The following PCDH15 variants were observed in gnomAD, a reference collection of about 807,000 sequenced individuals.
PCDH15 encodes protocadherin related 15.
PCDH15 carries 129 observed loss-of-function variants against 178.5 expected under a neutral mutation model. That is an observed-to-expected ratio of 0.72 (90% CI 0.63 to 0.84). The LOEUF is 0.84. Ranked by LOEUF, PCDH15 falls within the 40% of genes least tolerant of loss-of-function variation. The probability of loss-of-function intolerance (pLI) is 0.00; values close to 1 mark genes in which losing one functional copy is unlikely to be tolerated. For synonymous variants in PCDH15, 800 were observed against 732.0 expected, an observed-to-expected ratio of 1.09 and a Z score of -1.50; for missense variants, 2,230 against 2,099.9, an observed-to-expected ratio of 1.06 and a Z score of -1.21.
chr10:55,560,466 C>A (rs1842175237), intron 2 of PCDH15, among the ~76,000 whole-genome samples: 1 of 151,810 alleles, frequency 6.6e-6, no homozygotes, highest in Non-Finnish European at 1.5e-5. Flanking sequence ...ATCTGTGGAG[C>A]TTTAAAAAAT....
intron 17 of PCDH15, 57 bp from the exon 18 acceptor site, chr10:54,066,942 T>C: frequency 7.1e-6 from 11 of 1,554,610 alleles, no homozygotes; most frequent in Non-Finnish European, 9.7e-6. Context: ...TTAGAATTCA[T>C]TTAAGTAGTC....
chr10:55,200,388 G>A (rs1840211066), intron 1 of PCDH15, among the ~76,000 whole-genome samples: 1 of 152,094 alleles, frequency 6.6e-6, no homozygotes, highest in African/African-American at 2.4e-5. Context: ...CTCCTGTCTG[G>A]AATGGAATCA....
chr10:54,195,923 G>A, intron 10 of PCDH15, 34 bp from the exon 11 acceptor site: 1 of 1,578,274 alleles, frequency 6.3e-7, no homozygotes, highest in Non-Finnish European at 8.7e-7. Flanking sequence ...TATTTAGAAA[G>A]TATATGTCGT....
chr10:54,503,572 A>G (rs1277940158), intron 3 of PCDH15, among the ~76,000 whole-genome samples: 1 of 151,834 alleles, frequency 6.6e-6, no homozygotes, highest in African/African-American at 2.4e-5. Context: ...ACATAGCTGT[A>G]CTGAGGTGAA....
chr10:53,914,462 GA>G (rs1313354405), intron 25 of PCDH15, among the ~76,000 whole-genome samples: 1 of 152,088 alleles, frequency 6.6e-6, no homozygotes, highest in African/African-American at 2.4e-5. Context: ...ATGTCCTTTG[GA>G]GGGACATGGA....
chr10:54,669,260 GTT>G (rs1348960659), intron 1 of PCDH15, among the ~76,000 whole-genome samples: 1 of 151,742 alleles, frequency 6.6e-6, no homozygotes, highest in African/African-American at 2.4e-5. Flanking sequence ...GTAATATGAA[GTT>G]TAGGAAAATA....
chr10:53,934,023 T>G (rs1244539327), intron 25 of PCDH15, among the ~76,000 whole-genome samples: 1 of 152,212 alleles, frequency 6.6e-6, no homozygotes, highest in Non-Finnish European at 1.5e-5. Flanking sequence ...ATGGGGTTGT[T>G]TGTTTTTTCT....
chr10:54,297,365 G>A (rs2059866835), intron 8 of PCDH15, among the ~76,000 whole-genome samples: 1 of 152,056 alleles, frequency 6.6e-6, no homozygotes, highest in Non-Finnish European at 1.5e-5. Context: ...GGGGAAAAAT[G>A]GCCACCCGAG....
intron 14 of PCDH15, among the ~76,000 whole-genome samples, chr10:54,150,083 AGTAAAC>A (rs1403710770): frequency 6.6e-6 from 1 of 152,152 alleles, no homozygotes; most frequent in African/African-American, 2.4e-5. Context: ...GCATGTAGGA[AGTAAAC>A]TCTTCCAAGT....
intron 2 of PCDH15, chr10:54,656,156 T>A (rs957275165): frequency 2.0e-4 from 31 of 152,256 alleles, no homozygotes; most frequent in African/African-American, 7.5e-4. Context: ...GTTGACTGAC[T>A]TGGGATGCTA....
At chr10:53,928,429 G>GA (rs1366971233) in intron 25 of PCDH15, among the ~76,000 whole-genome samples, 1 of 151,970 alleles carries the variant, frequency 6.6e-6, no homozygotes, top group African/African-American at 2.4e-5. Context: ...TTTAAGTGCA[G>GA]ACCTGACCTT....
chr10:55,156,783 A>T (rs2680318), intron 2 of PCDH15, among the ~76,000 whole-genome samples: 3 of 151,954 alleles, frequency 2.0e-5, no homozygotes, highest in African/African-American at 4.8e-5. Context: ...ACAATCATCT[A>T]TTGGTTCAGA....
rs545560367 is a variant in PCDH15, at chr10:54,497,819, G to A, written c.157+29993C>T. Among the ~76,000 whole-genome samples, 142 of 152,168 alleles carry A rather than the reference G, an allele frequency of 9.3e-4. 1 individual carries two copies. The highest frequency in any genetic ancestry group is 3.7e-3 in the South Asian group (18 of 4,814). On this transcript the variant is annotated intron_variant, in intron 3 of 37. Transcript: ENST00000644397. ...ATATGAGATTATGTAAAGAGACCAA[G>A]TCTATGACTCATTGGCATTCCTGAA... is the stretch of plus-strand genomic sequence containing the variant.
intron 3 of PCDH15, 38 bp downstream of exon 3, chr10:54,527,774 C>G: frequency 2.0e-6 from 3 of 1,523,086 alleles, no homozygotes; most frequent in Non-Finnish European, 2.7e-6. Flanking sequence ...AGAAAACCCT[C>G]TTAGATAAGA....
intron 6 of PCDH15, among the ~76,000 whole-genome samples, chr10:54,334,614 T>C (rs1940641195): frequency 6.6e-6 from 1 of 152,046 alleles, no homozygotes; most frequent in African/African-American, 2.4e-5. Flanking sequence ...TTGTAAGCAT[T>C]GTTTGTAATA....
chr10:54,419,233 C>A (rs1408290544), intron 3 of PCDH15, among the ~76,000 whole-genome samples: 4 of 108,698 alleles, frequency 3.7e-5, no homozygotes, highest in African/African-American at 1.6e-4. Flanking sequence ...TATACATATA[C>A]ATATATACAT....
intron 1 of PCDH15, among the ~76,000 whole-genome samples, chr10:55,271,968 TATCTAGA>T (rs1842456525): frequency 6.6e-6 from 1 of 152,154 alleles, no homozygotes; most frequent in African/African-American, 2.4e-5. Flanking sequence ...ATATGGTATT[TATCTAGA>T]ATAAAGAATT....
At chr10:54,189,919 A>ATGTGTG (rs531733552) in intron 11 of PCDH15, among the ~76,000 whole-genome samples, 5,129 of 108,728 alleles carry the variant, frequency 0.047, 141 homozygotes, top group Middle Eastern at 0.091. Flanking sequence ...GTATACATGC[A>ATGTGTG]TGTGTATGTG....
In PCDH15 at chr10:53,939,394, T is replaced by G. The variant is rs189141641; in HGVS notation, c.3233-439A>C. ...TACTCTTTGTAATTTATGAATATTA[T>G]TATTTTGTAGATTTAGTGTTTTGCT... On this transcript the variant is annotated intron_variant, in intron 24 of 37. Transcript: ENST00000644397. Among the ~76,000 whole-genome samples the G allele has an allele frequency of 2.4e-3, 371 of 152,210 alleles. 3 individuals carry two copies. The highest frequency in any genetic ancestry group is 8.5e-3 in the African/African-American group (354 of 41,564).
Sources: gnomAD v4.1 joint callset for allele counts (sites outside exome capture counted in the v4.1 genomes callset) on GRCh38, gnomAD v4.1.1 for gene constraint, MANE v1.5 for transcripts, NCBI Gene and HGNC (gene_info 2026-07-23, HGNC 2026-07-21) for gene names.